Variants in GFM2 observed in about 807,000 individuals in gnomAD.
GFM2 encodes the protein GTP dependent ribosome recycling factor mitochondrial 2, also known as ribosome-releasing factor 2, mitochondrial.
A neutral mutation model predicts 95.4 loss-of-function variants in GFM2; 72 were observed. That is an observed-to-expected ratio of 0.76 (90% CI 0.62 to 0.92). The LOEUF (loss-of-function observed/expected upper bound fraction) is 0.92, where lower values mean the gene tolerates loss of function less well. GFM2 is among the 40% of genes least tolerant of loss of function. GFM2 has a pLI of 0.00. For synonymous variants in GFM2, 276 were observed against 317.5 expected (o/e 0.87, Z 1.39); for missense variants, 825 against 924.1 (o/e 0.89, Z 1.39).
chr5:74,762,008 C>T (rs111472115), intron 2 of GFM2, among the ~76,000 whole-genome samples: 1 of 152,192 alleles, frequency 6.6e-6, no homozygotes, highest in African/African-American at 2.4e-5. Flanking sequence ...GTGTCTATCA[C>T]AGCGTGCATA....
rs1164691 is a variant in GFM2, at chr5:74,721,319, G to T, written c.*336C>A. On this transcript the variant is annotated 3_prime_UTR_variant, in exon 21 of 21. Transcript: ENST00000296805. ...GACCCTCTATCTTATTACATTTAGA[G>T]GCCTGGCATCTTTCTTGTGAGACAA... is the stretch of plus-strand genomic sequence containing the variant. 7.5e-6 allele frequency: 6 copies of T among 795,888 alleles called. No individual in the cohort carries two copies. Among genetic ancestry groups the T allele is most frequent in the Non-Finnish European group, 1.1e-5 (5 of 458,932 alleles). The allele number at this position is 795,888 out of a possible 1,614,324, so 49.3% of individuals were successfully genotyped here.
At chr5:74,746,000 C>T (rs1394278305) in intron 9 of GFM2, 105 bp downstream of exon 9, 1 of 1,064,646 alleles carries the variant, frequency 9.4e-7, no homozygotes, top group Admixed American at 2.7e-5. Flanking sequence ...CTATTTATAC[C>T]CCAACTTCTT....
At chr5:74,751,253 G>A (rs1252008303) in intron 6 of GFM2, 115 bp downstream of exon 6, 8 of 976,216 alleles carry the variant, frequency 8.2e-6, no homozygotes, top group African/African-American at 1.6e-5. Context: ...GGTTGAGATG[G>A]TAAATTTTGC....
At chr5:74,739,875 A>G (rs983983475) in intron 12 of GFM2, 114 bp downstream of exon 12, 5 of 717,852 alleles carry the variant, frequency 7.0e-6, no homozygotes, top group African/African-American at 1.8e-5. Flanking sequence ...ATCATTTGCA[A>G]TAACACTCAC....
Position 74,730,403 on chromosome 5 carries a change from T to C in GFM2, c.1588-5A>G. ...CCCCATACCACACAGAACAGTCTGG[T>C]TACCAGAGGAATGAAATAAAAGATT... is the stretch of plus-strand genomic sequence containing the variant. On this transcript the variant is annotated splice_polypyrimidine_tract_variant and splice_region_variant and intron_variant, in intron 16 of 20. Coordinates refer to ENST00000296805, the MANE Select transcript of GFM2 (RefSeq NM_032380.5). The C allele has an allele frequency of 6.4e-7, 1 of 1,563,688 alleles. No individual in the cohort carries two copies. Among genetic ancestry groups the C allele is most frequent in the East Asian group, 2.3e-5 (1 of 44,044 alleles).
chr5:74,767,102 C>A lies in GFM2; in HGVS notation c.-189G>T, dbSNP rs1744677310. The A allele has an allele frequency of 4.2e-6, 2 of 476,114 alleles. No homozygotes were observed. The highest frequency in any genetic ancestry group is 3.5e-5 in the Admixed American group (1 of 28,804). 29.5% of individuals were successfully genotyped at this position (476,114 alleles called of 1,614,324 possible). A position where few individuals can be genotyped will look rare whatever the true frequency, so the allele number is the denominator to read the frequency against. ...AAATAGGCTTTCTCCGCTCTACCGC[C>A]TCGGGCAGCCACACCTCCACACTTC... On this transcript the variant is annotated 5_prime_UTR_variant, in exon 1 of 21. It adds an upstream start codon to the 5' untranslated region. Transcript: ENST00000296805.
chr5:74,722,441 C>T lies in GFM2; in HGVS notation c.2149G>A (p.Glu717Lys). The T allele has an allele frequency of 6.2e-7, 1 of 1,613,970 alleles. No individual in the cohort carries two copies. Among genetic ancestry groups the T allele is most frequent in the Non-Finnish European group, 8.5e-7 (1 of 1,179,928 alleles). ...TTGTTGTCCTGGCGAGTCTGAATTT[C>T]CTGAATGTTTCCTCTTCTTTGTGCC... ...DLAQRRGNIQ[E>K]IQTRQDNKVV... The change falls in exon 20 of 21, where the codon GAA becomes AAA. Residue 717 changes from glutamate (E) to lysine (K), a missense_variant. Coordinates refer to ENST00000296805, the MANE Select transcript of GFM2 (RefSeq NM_032380.5).
Position 74,725,982 on chromosome 5 carries a change from T to C in GFM2, c.1871A>G (p.Gln624Arg), listed in dbSNP as rs1389280511. The change falls in exon 18 of 21, where the codon CAA becomes CGA. Residue 624 changes from glutamine (Q) to arginine (R), a missense_variant. By Grantham distance (43) the Gln-to-Arg change is conservative. Coordinates refer to ENST00000296805, the MANE Select transcript of GFM2 (RefSeq NM_032380.5). ...SINEGLLKVSQEAIENGIHSA... is the reference protein window; with the variant it reads ...SINEGLLKVSREAIENGIHSA... Reference sequence around the variant, plus strand: ...GTGAATTCCATTTTCAATGGCCTCTTGGGAGACCTTCAAAAGGCCTTCATT... The same window carrying C: ...GTGAATTCCATTTTCAATGGCCTCTCGGGAGACCTTCAAAAGGCCTTCATT... 1 of 1,612,888 alleles carries C rather than the reference T, an allele frequency of 6.2e-7. No homozygotes were observed. Among genetic ancestry groups the C allele is most frequent in the East Asian group, 2.2e-5 (1 of 44,860 alleles).
At position 74,726,062 on chromosome 5, in the gene GFM2, T is replaced by A; in HGVS notation, c.1791A>T (p.Pro597=). 1.9e-6 allele frequency: 3 copies of A among 1,613,548 alleles called. No homozygotes were observed. Among genetic ancestry groups the A allele is most frequent in the Non-Finnish European group, 2.5e-6 (3 of 1,179,790 alleles). The part of the protein sequence containing the change: ...HLVTVEVEAR[P]IETSSVMPVI... ...CAGGCATAACAGATGATGTTTCAAT[T>A]GGCCTTGCTTCCACTTCTACAGTCA... Residue 597 remains proline, a synonymous_variant, in exon 18 of 21, where the codon CCA becomes CCT. Transcript: ENST00000296805.
chr5:74,745,347 C>T (rs568714810), intron 10 of GFM2, among the ~76,000 whole-genome samples: 3 of 151,500 alleles, frequency 2.0e-5, no homozygotes, highest in South Asian at 4.2e-4. Flanking sequence ...TCCATCTCAA[C>T]GAAAAGCAAA....
chr5:74,745,809 T>C lies in GFM2; in HGVS notation c.718A>G (p.Met240Val), dbSNP rs765649591. Residue 240 changes from methionine to valine, a missense_variant, in exon 10 of 21, where the codon ATG (methionine) becomes GTG (valine). By Grantham distance (21) the Met-to-Val change is conservative. Coordinates refer to ENST00000296805, the MANE Select transcript of GFM2 (RefSeq NM_032380.5). ...CAATTCCAAAGAAGTTTTTCTTTCA[T>C]TACTACATCCACCACTCCTTTGAAA... is the stretch of plus-strand genomic sequence containing the variant. The part of the protein sequence containing the change: ...KTFKGVVDVV[M>V]KEKLLWNCNS... The C allele has an allele frequency of 6.2e-7, 1 of 1,613,030 alleles. No individual in the cohort carries two copies. Among genetic ancestry groups the C allele is most frequent in the South Asian group, 1.1e-5 (1 of 91,036 alleles).
Position 74,730,323 on chromosome 5 carries a change from T to A in GFM2, c.1663A>T (p.Thr555Ser). The change falls in exon 17 of 21, where the codon ACC becomes TCC. Residue 555 changes from threonine (T) to serine (S), a missense_variant. Thr to Ser is a moderately conservative substitution (Grantham distance 58). Transcript: ENST00000296805. ...GCCACCTGGAGAGGCCCGAGATAGG[T>A]CTCCAGTCCATATTCCCTCTTGATT... ...DRIKREYGLE[T>S]YLGPLQVAYR... 1.9e-6 allele frequency: 3 copies of A among 1,613,176 alleles called. No homozygotes were observed. Among genetic ancestry groups the A allele is most frequent in the Non-Finnish European group, 2.5e-6 (3 of 1,179,318 alleles).
intron 17 of GFM2, among the ~76,000 whole-genome samples, chr5:74,729,654 A>G (rs964592485): frequency 2.6e-5 from 4 of 151,532 alleles, no homozygotes; most frequent in Non-Finnish European, 5.9e-5. Context: ...GAGGAACTTG[A>G]AAGTACCTGG....
chr5:74,735,220 T>G (rs1742773703), intron 15 of GFM2, among the ~76,000 whole-genome samples: 1 of 152,192 alleles, frequency 6.6e-6, no homozygotes, highest in African/African-American at 2.4e-5. Flanking sequence ...AAATTGCTGT[T>G]AGGCCCATTT....
At chr5:74,742,458 T>C (rs1174409830) in intron 10 of GFM2, among the ~76,000 whole-genome samples, 3 of 152,184 alleles carry the variant, frequency 2.0e-5, no homozygotes, top group Admixed American at 1.3e-4. Flanking sequence ...ACAAAGATGA[T>C]AGTAGTATCT....
rs755142984 is a variant in GFM2, at chr5:74,758,846, A to C, written c.304+3T>G. ...GGTGGGAAGAGGAGGAATCCATTCT[A>C]ACCTCCCAGTGATCTTGTATATCCG... On this transcript the variant is annotated splice_donor_region_variant and intron_variant, in intron 5 of 20. Coordinates refer to ENST00000296805, the MANE Select transcript of GFM2 (RefSeq NM_032380.5). The C allele has an allele frequency of 6.4e-7, 1 of 1,567,794 alleles. No individual in the cohort carries two copies. Among genetic ancestry groups the C allele is most frequent in the African/African-American group, 1.4e-5 (1 of 73,866 alleles).
chr5:74,741,333 T>C (rs1296741106), intron 11 of GFM2, among the ~76,000 whole-genome samples, 196 bp downstream of exon 11: 3 of 152,122 alleles, frequency 2.0e-5, no homozygotes, highest in Non-Finnish European at 1.5e-5. Flanking sequence ...GTAAAGTATA[T>C]ATGAAAGTAA....
At chr5:74,755,947 G>T (rs1743958348) in intron 5 of GFM2, among the ~76,000 whole-genome samples, 1 of 152,044 alleles carries the variant, frequency 6.6e-6, no homozygotes. Context: ...GAACACAGAA[G>T]CAAAAATCCT....
chr5:74,761,896 T>C (rs1407292949), intron 2 of GFM2, among the ~76,000 whole-genome samples: 1 of 152,210 alleles, frequency 6.6e-6, no homozygotes, highest in Non-Finnish European at 1.5e-5. Context: ...TGCGTATCTG[T>C]GCGATCTATA....
Sources: allele counts gnomAD v4.1 joint callset (sites outside exome capture counted in the v4.1 genomes callset), GRCh38; gene constraint gnomAD v4.1.1; transcripts MANE v1.5; gene names NCBI Gene and HGNC (gene_info 2026-07-23, HGNC 2026-07-21).